TASP1: variants seen among roughly 807,000 people sequenced by gnomAD.
The protein encoded by TASP1 is threonine aspartase 1.
TASP1 carries 16 observed loss-of-function variants against 56.6 expected under a neutral mutation model. The observed-to-expected ratio is 0.28, with a 90% CI of 0.19 to 0.43. The LOEUF is 0.43. Ranked by LOEUF, TASP1 falls within the 20% of genes least tolerant of loss-of-function variation. The pLI is 1.00. For synonymous variants in TASP1, 179 were observed against 184.2 expected, an observed-to-expected ratio of 0.97 and a Z score of 0.23; for missense variants, 393 against 511.6, an observed-to-expected ratio of 0.77 and a Z score of 2.24.
intron 4 of TASP1, among the ~76,000 whole-genome samples, chr20:13,607,449 T>C (rs2048198289): frequency 6.6e-6 from 1 of 152,252 alleles, no homozygotes; most frequent in South Asian, 2.1e-4. Flanking sequence ...GTATACTGCA[T>C]CTCTGAGGAT....
intron 6 of TASP1, 150 bp from the exon 7 acceptor site, chr20:13,569,736 G>T: frequency 1.7e-6 from 1 of 601,702 alleles, no homozygotes; most frequent in Non-Finnish European, 2.7e-6. Context: ...ATGACTGCAT[G>T]CTAAAAAATT....
the TASP1 span, chr20:13,299,232 A>T: frequency 3.7e-6 from 6 of 1,602,168 alleles, no homozygotes; most frequent in South Asian, 5.6e-5. The surrounding 1 kb of genome is among the most constrained non-coding windows in gnomAD (Gnocchi z 5.8). Context: ...CTACGGCGAC[A>T]ACATGCAGCT....
the TASP1 span, among the ~76,000 whole-genome samples, chr20:13,344,322 C>T: frequency 6.6e-6 from 1 of 152,018 alleles, no homozygotes; most frequent in African/African-American, 2.4e-5. Flanking sequence ...GATTGGATTC[C>T]CAAGCCCAAG....
chr20:13,414,014 T>C (rs1214816352), intron 13 of TASP1, among the ~76,000 whole-genome samples: 2 of 152,210 alleles, frequency 1.3e-5, no homozygotes, highest in Non-Finnish European at 2.9e-5. Flanking sequence ...TAAAACACTT[T>C]TTACTAACCA....
At chr20:13,353,431 T>C in the TASP1 span, among the ~76,000 whole-genome samples, 1 of 152,240 alleles carries the variant, frequency 6.6e-6, no homozygotes, top group Non-Finnish European at 1.5e-5. Context: ...TCTTAAGCAA[T>C]ACTATCTGTG....
chr20:13,627,406 C>T (rs944412116), intron 2 of TASP1, among the ~76,000 whole-genome samples: 1 of 152,092 alleles, frequency 6.6e-6, no homozygotes. Context: ...TCTTGCTGAC[C>T]CCCAGCACCA....
chr20:13,159,758 G>A, the TASP1 span, among the ~76,000 whole-genome samples: 1 of 152,042 alleles, frequency 6.6e-6, no homozygotes, highest in Non-Finnish European at 1.5e-5. Context: ...ATTATCTAAT[G>A]AGTGTGTCAG....
rs546419566 is a variant in TASP1, at chr20:13,469,792, C to CTTTTTTTTTTT, written c.985+13424_985+13434dup. On this transcript the variant is annotated intron_variant, in intron 11 of 13. Transcript: ENST00000337743. Reference sequence around the variant, plus strand: ...ACAGTTGTCCAGGTCAATAAATGTCCTTTTTTTTTTTTTTTTTTTTTTTTT... The same window carrying CTTTTTTTTTTT: ...ACAGTTGTCCAGGTCAATAAATGTCCTTTTTTTTTTTTTTTTTTTTTTTTTTTTTTTTTTTT... Among the ~76,000 whole-genome samples, 101 of 39,546 alleles carry CTTTTTTTTTTT rather than the reference C, an allele frequency of 2.6e-3. 23 individuals are homozygous for CTTTTTTTTTTT. The highest frequency in any genetic ancestry group is 3.5e-3 in the Non-Finnish European group (75 of 21,466). The allele number at this position is 39,546 out of a possible 152,430, so 25.9% of individuals were successfully genotyped here. A position where few individuals can be genotyped will look rare whatever the true frequency, so the allele number is the denominator to read the frequency against.
chr20:13,224,841 C>CTT, the TASP1 span, among the ~76,000 whole-genome samples: 379 of 107,198 alleles, frequency 3.5e-3, 1 homozygote, highest in Middle Eastern at 5.6e-3. Context: ...AGCTTTCTTT[C>CTT]TTTTTTTTTT....
Position 13,483,331 on chromosome 20 carries a change from C to A in TASP1, c.881G>T (p.Gly294Val), listed in dbSNP as rs1253699829. Residue 294 changes from glycine to valine, a missense_variant, in exon 11 of 14, where the codon GGA becomes GTA. Gly to Val is a moderately radical substitution (Grantham distance 109). Transcript: ENST00000337743. ...CAGTATGGTGCGCACAAGATGCTCT[C>A]CACATCCTAGAAATCCAAAGAAACC... The part of the protein sequence containing the change: ...YSTAVSTSGC[G>V]EHLVRTILAR... 14 of 1,559,758 alleles carry A rather than the reference C, an allele frequency of 9.0e-6. No individual in the cohort carries two copies. The highest frequency in any genetic ancestry group is 1.2e-5 in the Non-Finnish European group (14 of 1,151,466).
chr20:13,526,991 A>C (rs1568547123), intron 10 of TASP1, among the ~76,000 whole-genome samples: 1 of 152,172 alleles, frequency 6.6e-6, no homozygotes, highest in East Asian at 1.9e-4. Flanking sequence ...TCAAAAGTCC[A>C]AAGTAGATAC....
the TASP1 span, among the ~76,000 whole-genome samples, chr20:13,305,987 G>C: frequency 6.6e-6 from 1 of 152,156 alleles, no homozygotes; most frequent in Admixed American, 6.5e-5. Flanking sequence ...CAATAGCAAA[G>C]CTGGGTAAGA....
intron 4 of TASP1, among the ~76,000 whole-genome samples, chr20:13,606,519 CT>C (rs2048160376): frequency 6.6e-6 from 1 of 152,062 alleles, no homozygotes; most frequent in South Asian, 2.1e-4. Flanking sequence ...AAGAATTTGT[CT>C]TTTTAGGCTG....
chr20:13,222,793 G>A, the TASP1 span, among the ~76,000 whole-genome samples: 1 of 152,134 alleles, frequency 6.6e-6, no homozygotes, highest in Non-Finnish European at 1.5e-5. Context: ...CTAGGGGTGG[G>A]ACAACTGTAA....
chr20:13,224,119 T>C, the TASP1 span, among the ~76,000 whole-genome samples: 17 of 152,174 alleles, frequency 1.1e-4, no homozygotes. Flanking sequence ...GAGTCCCAAG[T>C]AGCTGCTAAT....
chr20:13,125,559 T>C, the TASP1 span, among the ~76,000 whole-genome samples: 9 of 152,330 alleles, frequency 5.9e-5, no homozygotes, highest in East Asian at 1.7e-3. Context: ...CAATGTGGGC[T>C]GGGCTCAGCT....
At chr20:13,548,318 C>T (rs983408448) in intron 8 of TASP1, among the ~76,000 whole-genome samples, 1 of 151,996 alleles carries the variant, frequency 6.6e-6, no homozygotes, top group Non-Finnish European at 1.5e-5. Flanking sequence ...GAAGCTAGTG[C>T]AATCATCCAG....
chr20:13,464,971 G>A (rs183358879), intron 11 of TASP1, among the ~76,000 whole-genome samples: 45 of 151,814 alleles, frequency 3.0e-4, no homozygotes, highest in Non-Finnish European at 4.7e-4. Flanking sequence ...AAGACCAGCC[G>A]GGGCAATATA....
At chr20:13,603,914 G>A (rs1386396955) in intron 4 of TASP1, among the ~76,000 whole-genome samples, 3 of 152,042 alleles carry the variant, frequency 2.0e-5, no homozygotes, top group Non-Finnish European at 4.4e-5. Flanking sequence ...CTTGATATCT[G>A]GTCACCCTCA....
Sources: gnomAD v4.1 joint callset for allele counts (sites outside exome capture counted in the v4.1 genomes callset) on GRCh38, gnomAD v4.1.1 for gene constraint, Gnocchi (gnomAD v3.1) non-coding constraint, MANE v1.5 for transcripts, NCBI Gene and HGNC (gene_info 2026-07-23, HGNC 2026-07-21) for gene names.